Variants in C12orf42 observed in about 807,000 individuals in gnomAD.
The protein encoded by C12orf42 is chromosome 12 open reading frame 42.
In C12orf42, 25 loss-of-function variants were observed where a neutral mutation model predicts 21.6. That is an observed-to-expected ratio of 1.16 (90% CI 0.84 to 1.62). C12orf42 has a LOEUF of 1.62. Ranked by LOEUF, C12orf42 falls within the 40% of genes most tolerant of loss-of-function variation. The pLI, the probability that C12orf42 is intolerant of heterozygous loss-of-function variation, is 0.00. For missense variants in C12orf42, 483 were observed against 459.3 expected (o/e 1.05, Z -0.47); for synonymous variants, 174 against 175.0 (o/e 0.99, Z 0.05).
intron 4 of C12orf42, among the ~76,000 whole-genome samples, chr12:103,353,350 G>T (rs914594573): frequency 1.3e-5 from 2 of 151,826 alleles, no homozygotes; most frequent in Non-Finnish European, 2.9e-5. Flanking sequence ...GTGAGAGAAG[G>T]CGACTGTGTT....
chr12:103,129,594 A>T, the C12orf42 span, among the ~76,000 whole-genome samples: 1 of 152,270 alleles, frequency 6.6e-6, no homozygotes, highest in Admixed American at 6.5e-5. Flanking sequence ...CTGCCTTTTT[A>T]TAACTTCACT....
chr12:103,325,605 G>A (rs1045351673), intron 4 of C12orf42, among the ~76,000 whole-genome samples: 1 of 152,138 alleles, frequency 6.6e-6, no homozygotes, highest in Non-Finnish European at 1.5e-5. Context: ...AAGTTCTTTG[G>A]GTCCTTTAAT....
chr12:103,492,814 C>T (rs1028263099), intron 1 of C12orf42, among the ~76,000 whole-genome samples: 3 of 152,118 alleles, frequency 2.0e-5, no homozygotes, highest in Non-Finnish European at 4.4e-5. Flanking sequence ...ATTAACCCGT[C>T]GAATTATTGA....
Position 103,260,329 on chromosome 12 carries a change from C to T in C12orf42, c.*1366+2997G>A, listed in dbSNP as rs944619556. Among the ~76,000 whole-genome samples, 6 of 152,276 alleles carry T rather than the reference C, an allele frequency of 3.9e-5. No homozygotes were observed. In the South Asian group the frequency reaches 6.2e-4, roughly 16 times the overall value. ...TAATGCCCTGTTTTTGGAGGTCTTGCGCTGACACATGATGAAGCTCTTTTT... is the reference window on the plus strand; with the variant it reads ...TAATGCCCTGTTTTTGGAGGTCTTGTGCTGACACATGATGAAGCTCTTTTT... On this transcript the variant is annotated intron_variant and NMD_transcript_variant, in intron 10 of 10. Coordinates refer to the C12orf42 transcript ENST00000547347.
At chr12:103,554,010 G>A in the C12orf42 span, among the ~76,000 whole-genome samples, 1 of 152,318 alleles carries the variant, frequency 6.6e-6, no homozygotes, top group East Asian at 1.9e-4. Context: ...GGGCTGAGAA[G>A]TGGGTTAAAG....
chr12:103,171,951 TC>T, the C12orf42 span, among the ~76,000 whole-genome samples: 1 of 152,096 alleles, frequency 6.6e-6, no homozygotes, highest in Non-Finnish European at 1.5e-5. Context: ...AAGGCCAGTG[TC>T]CCTATGTTGA....
intron 2 of C12orf42, among the ~76,000 whole-genome samples, chr12:103,407,961 G>A (rs560072391): frequency 6.6e-6 from 1 of 152,278 alleles, no homozygotes; most frequent in South Asian, 2.1e-4. Flanking sequence ...TAGCCCTATG[G>A]AGTCTTCAGG....
chr12:103,160,075 A>C, the C12orf42 span, among the ~76,000 whole-genome samples: 1 of 152,188 alleles, frequency 6.6e-6, no homozygotes, highest in Admixed American at 6.5e-5. Context: ...ACAGGGCAAG[A>C]GTTTGTCAAA....
chr12:103,052,471 CT>C, the C12orf42 span, among the ~76,000 whole-genome samples: 2 of 151,868 alleles, frequency 1.3e-5, no homozygotes, highest in African/African-American at 2.4e-5. Context: ...TTAGGATCCC[CT>C]TTTTTTAGGA....
the C12orf42 span, among the ~76,000 whole-genome samples, chr12:103,068,067 G>C: frequency 2.0e-5 from 3 of 152,166 alleles, no homozygotes; most frequent in African/African-American, 7.2e-5. Context: ...AGCATGACCT[G>C]CTGAGGTGTT....
At chr12:103,074,768 T>C in the C12orf42 span, among the ~76,000 whole-genome samples, 2 of 152,168 alleles carry the variant, frequency 1.3e-5, no homozygotes, top group African/African-American at 4.8e-5. Flanking sequence ...CAAGTAGTAC[T>C]TTCTACAACA....
chr12:103,270,136 A>C (rs1219633208), intron 5 of C12orf42: 1 of 152,190 alleles, frequency 6.6e-6, no homozygotes, highest in East Asian at 1.9e-4. Flanking sequence ...TAGCATTGGC[A>C]GCAAATACTT....
chr12:103,240,292 C>A (rs1565988730), intron 10 of C12orf42, among the ~76,000 whole-genome samples: 1 of 152,080 alleles, frequency 6.6e-6, no homozygotes, highest in East Asian at 1.9e-4. Flanking sequence ...CAGATGCCAG[C>A]CAGAAGTAGA....
chr12:103,263,067 C>T (rs2034980802), intron 10 of C12orf42, among the ~76,000 whole-genome samples: 1 of 152,080 alleles, frequency 6.6e-6, no homozygotes. Context: ...AAACCAAATA[C>T]CGCATGTTCT....
chr12:103,244,202 G>A (rs979170245), intron 10 of C12orf42, among the ~76,000 whole-genome samples: 5 of 152,024 alleles, frequency 3.3e-5, no homozygotes, highest in Admixed American at 2.6e-4. Context: ...CCCATAACAT[G>A]CACGGATCCT....
the C12orf42 span, among the ~76,000 whole-genome samples, chr12:103,143,921 TA>T: frequency 2.2e-4 from 33 of 152,320 alleles, no homozygotes; most frequent in Middle Eastern, 3.4e-3. Flanking sequence ...ATGGGGATAA[TA>T]ATACTATACT....
the C12orf42 span, among the ~76,000 whole-genome samples, chr12:103,512,480 C>T: frequency 6.6e-6 from 1 of 152,236 alleles, no homozygotes; most frequent in Non-Finnish European, 1.5e-5. Context: ...ATGTTTCTGA[C>T]ACATAGAAAT....
At chr12:103,070,429 A>G in the C12orf42 span, among the ~76,000 whole-genome samples, 2 of 151,934 alleles carry the variant, frequency 1.3e-5, no homozygotes, top group African/African-American at 4.8e-5. Context: ...TCATCTTTGC[A>G]ATTCCATTTT....
chr12:103,325,965 TAAGAC>T (rs1310137033), intron 4 of C12orf42, among the ~76,000 whole-genome samples: 1 of 152,220 alleles, frequency 6.6e-6, no homozygotes, highest in Non-Finnish European at 1.5e-5. Flanking sequence ...AATAGCATCC[TAAGAC>T]AAGAAAGAGT....
Sources: allele counts gnomAD v4.1 joint callset (sites outside exome capture counted in the v4.1 genomes callset), GRCh38; gene constraint gnomAD v4.1.1; transcripts MANE v1.5; gene names NCBI Gene and HGNC (gene_info 2026-07-23, HGNC 2026-07-21).